SEMA3D: variants seen among roughly 807,000 people sequenced by gnomAD.
SEMA3D encodes semaphorin-3D.
In SEMA3D, 84 loss-of-function variants were observed where a neutral mutation model predicts 100.1. The ratio of observed to expected loss-of-function variants is 0.84; its 90% confidence interval spans 0.70 to 1.01. The LOEUF (loss-of-function observed/expected upper bound fraction) is 1.01, where lower values mean the gene tolerates loss of function less well. SEMA3D is among the 50% of genes least tolerant of loss of function. The probability of loss-of-function intolerance (pLI) is 0.00; values close to 1 mark genes in which losing one functional copy is unlikely to be tolerated. For missense variants in SEMA3D, 875 were observed against 934.1 expected, an observed-to-expected ratio of 0.94 and a Z score of 0.82; for synonymous variants, 312 against 320.7, an observed-to-expected ratio of 0.97 and a Z score of 0.29.
At chr7:85,045,494 T>C (rs917429106) in intron 9 of SEMA3D, among the ~76,000 whole-genome samples, 1 of 151,978 alleles carries the variant, frequency 6.6e-6, no homozygotes, top group Non-Finnish European at 1.5e-5. Flanking sequence ...ATATTTTATA[T>C]ACGATGCCTT....
At chr7:85,126,927 C>T (rs1789586838) in intron 2 of SEMA3D, among the ~76,000 whole-genome samples, 1 of 152,052 alleles carries the variant, frequency 6.6e-6, no homozygotes, top group East Asian at 1.9e-4. Flanking sequence ...ATAAATTTAT[C>T]CTATCCTTTC....
the SEMA3D span, among the ~76,000 whole-genome samples, chr7:85,219,944 T>C: frequency 6.6e-6 from 1 of 152,082 alleles, no homozygotes; most frequent in East Asian, 1.9e-4. Flanking sequence ...TTTTCATTAA[T>C]ATTATTCCAA....
intron 1 of SEMA3D, among the ~76,000 whole-genome samples, chr7:85,155,861 G>A (rs569177035): frequency 2.0e-5 from 3 of 152,026 alleles, no homozygotes; most frequent in Non-Finnish European, 2.9e-5. Flanking sequence ...ATTAAATGCC[G>A]AGCTCTTGAA....
intron 5 of SEMA3D, among the ~76,000 whole-genome samples, chr7:85,076,560 T>C (rs1259483821): frequency 6.6e-6 from 1 of 152,156 alleles, no homozygotes; most frequent in African/African-American, 2.4e-5. Context: ...CCAAAACAGC[T>C]TTATATCTAT....
intron 4 of SEMA3D, among the ~76,000 whole-genome samples, chr7:85,096,275 T>C (rs537241379): frequency 1.3e-5 from 2 of 151,934 alleles, no homozygotes; most frequent in African/African-American, 4.8e-5. Flanking sequence ...AAGAAATTCC[T>C]GAAGAAAAAA....
intron 4 of SEMA3D, among the ~76,000 whole-genome samples, chr7:85,092,784 T>C (rs565607204): frequency 6.6e-6 from 1 of 152,162 alleles, no homozygotes; most frequent in South Asian, 2.1e-4. Context: ...AACTTATATG[T>C]TTTCAACATA....
chr7:85,106,325 A>G (rs988807658), intron 3 of SEMA3D, among the ~76,000 whole-genome samples: 3 of 152,092 alleles, frequency 2.0e-5, no homozygotes, highest in African/African-American at 7.2e-5. Flanking sequence ...GTTTCAATCA[A>G]GTATATAAAT....
intron 12 of SEMA3D, among the ~76,000 whole-genome samples, chr7:85,034,433 C>G (rs1790634054): frequency 6.6e-6 from 1 of 151,688 alleles, no homozygotes; most frequent in Non-Finnish European, 1.5e-5. Flanking sequence ...CTGGTGAAAC[C>G]CCGTCTCTAT....
intron 11 of SEMA3D, among the ~76,000 whole-genome samples, chr7:85,040,350 A>C (rs574632933): frequency 6.6e-6 from 1 of 152,194 alleles, no homozygotes; most frequent in Non-Finnish European, 1.5e-5. Flanking sequence ...CCTATGGGGA[A>C]GGTATATGCA....
intron 5 of SEMA3D, among the ~76,000 whole-genome samples, chr7:85,075,779 C>T (rs1363455123): frequency 3.3e-5 from 5 of 152,116 alleles, no homozygotes; most frequent in South Asian, 4.1e-4. Context: ...GAACAGAGAT[C>T]GTAAAAGATA....
At chr7:85,108,580 T>C (rs1383976748) in intron 3 of SEMA3D, among the ~76,000 whole-genome samples, 1 of 152,054 alleles carries the variant, frequency 6.6e-6, no homozygotes, top group Non-Finnish European at 1.5e-5. Flanking sequence ...TTTCAGATTT[T>C]GCTGATACAA....
At chr7:85,149,198 A>C (rs2116484534) in intron 2 of SEMA3D, among the ~76,000 whole-genome samples, 2 of 151,866 alleles carry the variant, frequency 1.3e-5, no homozygotes, top group South Asian at 4.2e-4. Flanking sequence ...TAATCTCAGC[A>C]CTTTGGGAGG....
chr7:85,220,198 T>C, the SEMA3D span, among the ~76,000 whole-genome samples: 10 of 152,064 alleles, frequency 6.6e-5, no homozygotes, highest in Non-Finnish European at 4.4e-5. Flanking sequence ...CTGGATACCA[T>C]GTGTTGTCGC....
At chr7:85,087,599 A>G (rs1788262693) in intron 4 of SEMA3D, among the ~76,000 whole-genome samples, 1 of 152,220 alleles carries the variant, frequency 6.6e-6, no homozygotes, top group Non-Finnish European at 1.5e-5. Context: ...GATCTAGTTG[A>G]TAACAGAAAA....
intron 4 of SEMA3D, among the ~76,000 whole-genome samples, chr7:85,082,409 T>C (rs147385381): frequency 6.4e-4 from 98 of 152,296 alleles, no homozygotes; most frequent in African/African-American, 2.3e-3. Context: ...TGTAAGAAAG[T>C]TTTTGCAAAA....
chr7:85,132,614 C>A (rs896269031), intron 2 of SEMA3D, among the ~76,000 whole-genome samples: 1 of 151,718 alleles, frequency 6.6e-6, no homozygotes, highest in Middle Eastern at 3.2e-3. Flanking sequence ...AAATGTTTCT[C>A]TAGCATGAAC....
intron 17 of SEMA3D, among the ~76,000 whole-genome samples, chr7:85,010,504 G>T (rs1476078212): frequency 6.6e-6 from 1 of 151,746 alleles, no homozygotes; most frequent in Non-Finnish European, 1.5e-5. Context: ...AGTTAGGCTG[G>T]CATCTGTGGG....
chr7:85,173,363 C>G (rs1482309720), intron 1 of SEMA3D, among the ~76,000 whole-genome samples: 2 of 152,056 alleles, frequency 1.3e-5, no homozygotes, highest in Non-Finnish European at 2.9e-5. Context: ...TCTGTGGCAA[C>G]TAGTATTAAG....
At chr7:85,186,456 C>A (rs1168814250) in intron 1 of SEMA3D, among the ~76,000 whole-genome samples, 1 of 152,110 alleles carries the variant, frequency 6.6e-6, no homozygotes, top group Non-Finnish European at 1.5e-5. Context: ...CCCCAGGGGC[C>A]GCGCTGAAGC....
Sources: gnomAD v4.1 joint callset for allele counts (sites outside exome capture counted in the v4.1 genomes callset) on GRCh38, gnomAD v4.1.1 for gene constraint, MANE v1.5 for transcripts, NCBI Gene and HGNC (gene_info 2026-07-23, HGNC 2026-07-21) for gene names.